The following APBB2 variants were observed in gnomAD, a reference collection of about 807,000 sequenced individuals.
APBB2 encodes the protein amyloid beta precursor protein binding family B member 2, also known as Fe65-like 1.
APBB2 carries 38 observed loss-of-function variants against 82.5 expected under a neutral mutation model. The observed-to-expected ratio is 0.46, with a 90% CI of 0.36 to 0.60. APBB2 has a LOEUF of 0.60. Among genes scored for constraint, APBB2 ranks in the 20% least tolerant of loss-of-function variants. APBB2 has a pLI of 0.00. For synonymous variants in APBB2, 341 were observed against 368.2 expected, an observed-to-expected ratio of 0.93 and a Z score of 0.85; for missense variants, 772 against 972.3, an observed-to-expected ratio of 0.79 and a Z score of 2.74.
Position 40,826,071 on chromosome 4 carries a change from T to A in APBB2, c.1733-101A>T. 4 of 842,164 alleles carry A rather than the reference T, an allele frequency of 4.7e-6. No homozygotes were observed. Among genetic ancestry groups the A allele is most frequent in the Non-Finnish European group, 6.2e-6 (3 of 481,836 alleles). 52.2% of individuals were successfully genotyped at this position (842,164 alleles called of 1,614,324 possible). ...ATCTGAATGCTCAGGACACGCCCTG[T>A]GCCATAACGCCCTATGTTTCTGGAT... On this transcript the variant is annotated intron_variant, in intron 14 of 17. Coordinates refer to ENST00000508593, the MANE Select transcript of APBB2 (RefSeq NM_004307.2). This position sits in a 1 kb window ranked among gnomAD's most constrained non-coding sequence, Gnocchi z 4.5.
intron 6 of APBB2, among the ~76,000 whole-genome samples, chr4:40,966,168 T>A (rs1794601142): frequency 6.6e-6 from 1 of 152,254 alleles, no homozygotes; most frequent in Admixed American, 6.5e-5. Context: ...GTATTAACAA[T>A]TTAGAGATTA....
At chr4:40,978,002 G>A (rs563494019) in intron 6 of APBB2, among the ~76,000 whole-genome samples, 6 of 152,338 alleles carry the variant, frequency 3.9e-5, no homozygotes, top group South Asian at 2.1e-4. Flanking sequence ...AGCAACTCTC[G>A]TGTAAATATA....
intron 1 of APBB2, among the ~76,000 whole-genome samples, chr4:41,143,722 G>A (rs1393204790): frequency 6.6e-6 from 1 of 152,240 alleles, no homozygotes; most frequent in Non-Finnish European, 1.5e-5. Context: ...ATTGCAATAT[G>A]AATGGTGTAA....
At chr4:41,030,753 T>TA (rs1716434940) in intron 5 of APBB2, among the ~76,000 whole-genome samples, 1 of 152,196 alleles carries the variant, frequency 6.6e-6, no homozygotes, top group African/African-American at 2.4e-5. Flanking sequence ...TTTCTTGAGT[T>TA]ACTACTGATA....
At chr4:40,892,907 T>A (rs1772454821) in intron 11 of APBB2, 1 of 181,638 alleles carries the variant, frequency 5.5e-6, no homozygotes, top group Non-Finnish European at 1.1e-5. Flanking sequence ...GGAAGTCACC[T>A]TCCCCTTTGA....
chr4:41,019,466 G>A (rs1040286792), intron 5 of APBB2, among the ~76,000 whole-genome samples: 3 of 152,072 alleles, frequency 2.0e-5, no homozygotes, highest in African/African-American at 7.3e-5. Flanking sequence ...AAGCGAAACT[G>A]GCAGCCTTAA....
chr4:41,132,850 TAGTA>T (rs536390026), intron 2 of APBB2, among the ~76,000 whole-genome samples: 1 of 152,182 alleles, frequency 6.6e-6, no homozygotes, highest in South Asian at 2.1e-4. Context: ...AAAAAACACT[TAGTA>T]AGGTTTTATA....
At chr4:41,196,474 AC>A in intron 1 of APBB2, among the ~76,000 whole-genome samples, 2 of 151,760 alleles carry the variant, frequency 1.3e-5, no homozygotes, top group Non-Finnish European at 2.9e-5. Flanking sequence ...TTCCATTATC[AC>A]CATTTTGCTG....
rs1748744434 is a variant in APBB2 at position 40,823,587 on chromosome 4, C to T, written c.1932+57G>A. 7.2e-6 allele frequency: 9 copies of T among 1,246,614 alleles called. No homozygotes were observed. The Admixed American group carries it at 1.4e-4, about 19-fold the overall frequency. The allele number at this position is 1,246,614 out of a possible 1,614,324, so 77.2% of individuals were successfully genotyped here. On this transcript the variant is annotated intron_variant, in intron 16 of 17. Transcript: ENST00000508593. ...TGTTCCTAAGTTCCACAGAAAACCACTGTATCTTATACTCACTGTATAAGA... is the reference window on the plus strand; with the variant it reads ...TGTTCCTAAGTTCCACAGAAAACCATTGTATCTTATACTCACTGTATAAGA...
chr4:41,074,608 ATT>A (rs370714146), intron 3 of APBB2, among the ~76,000 whole-genome samples: 40 of 136,702 alleles, frequency 2.9e-4, no homozygotes, highest in East Asian at 2.8e-3. Context: ...TATTATTATT[ATT>A]TTTTTTTTTT....
At chr4:41,050,942 G>A (rs1286378399) in intron 4 of APBB2, among the ~76,000 whole-genome samples, 1 of 150,692 alleles carries the variant, frequency 6.6e-6, no homozygotes, top group Admixed American at 6.6e-5. Flanking sequence ...TCAGAAAGGC[G>A]GCAGCAGGAA....
intron 13 of APBB2, among the ~76,000 whole-genome samples, chr4:40,829,561 G>C (rs146209942): frequency 4.1e-4 from 62 of 152,270 alleles, no homozygotes; most frequent in African/African-American, 1.4e-3. Context: ...TCAGTACCTG[G>C]AAGTTCCAAG....
chr4:41,033,272 CAATGGTGCAGGAAATAGGTTAT>C lies in APBB2; in HGVS notation c.-40_-19del, dbSNP rs757028985. On this transcript the variant is annotated 5_prime_UTR_variant, in exon 5 of 18. An upstream open reading frame in the 5' UTR gains an earlier in-frame stop. Coordinates refer to ENST00000508593, the MANE Select transcript of APBB2 (RefSeq NM_004307.2). The stretch of plus-strand genomic sequence containing the variant: ...TCTGACATGGATCACCAGGCGTCAG[CAATGGTGCAGGAAATAGGTTAT>C]AATTTGAAATCTAAAAAGAAGGGAT... 4.4e-5 allele frequency: 71 copies of C among 1,602,858 alleles called. No homozygotes were observed. The Middle Eastern group carries it at 5.0e-4, about 11-fold the overall frequency.
intron 6 of APBB2, among the ~76,000 whole-genome samples, chr4:40,984,131 T>C (rs1799805900): frequency 6.6e-6 from 1 of 152,106 alleles, no homozygotes; most frequent in Admixed American, 6.6e-5. Flanking sequence ...CGGATGAGGT[T>C]TGGAAGCTGA....
intron 12 of APBB2, among the ~76,000 whole-genome samples, chr4:40,844,001 G>A (rs1423908914): frequency 6.6e-6 from 1 of 152,200 alleles, no homozygotes; most frequent in Non-Finnish European, 1.5e-5. Context: ...ACAGTCCCTA[G>A]GCACAGGTAT....
Position 40,893,462 on chromosome 4 carries a change from A to G in APBB2, c.1255-51T>C, listed in dbSNP as rs371941454. On this transcript the variant is annotated intron_variant, in intron 10 of 17. Coordinates refer to ENST00000508593, the MANE Select transcript of APBB2 (RefSeq NM_004307.2). ...AAGTCACTCCATGGTTTGGTCAATC[A>G]TATCAGTTTACACTACTCCCCTCCC... 53 of 1,551,024 alleles carry G rather than the reference A, an allele frequency of 3.4e-5. No individual in the cohort carries two copies. In the African/African-American group the frequency reaches 5.9e-4, roughly 17 times the overall value.
At chr4:40,870,841 TCCTGCCTCAG>T (rs1765307000) in intron 12 of APBB2, among the ~76,000 whole-genome samples, 2 of 151,078 alleles carry the variant, frequency 1.3e-5, no homozygotes, top group African/African-American at 4.9e-5. Flanking sequence ...CAAGCGATTC[TCCTGCCTCAG>T]CCTCCCGAGT....
chr4:41,185,268 C>T (rs1294040721), intron 1 of APBB2, among the ~76,000 whole-genome samples: 1 of 152,186 alleles, frequency 6.6e-6, no homozygotes, highest in Non-Finnish European at 1.5e-5. Flanking sequence ...TACAATGAAG[C>T]TGTGTGAGGT....
chr4:41,091,161 C>A (rs1741553665), intron 3 of APBB2, among the ~76,000 whole-genome samples: 1 of 152,138 alleles, frequency 6.6e-6, no homozygotes, highest in South Asian at 2.1e-4. Context: ...CATCACTGAG[C>A]CAACCAATCA....
Sources: allele counts gnomAD v4.1 joint callset (sites outside exome capture counted in the v4.1 genomes callset), GRCh38; gene constraint gnomAD v4.1.1; non-coding constraint Gnocchi (gnomAD v3.1); transcripts MANE v1.5; gene names NCBI Gene and HGNC (gene_info 2026-07-23, HGNC 2026-07-21).